ARPC4: variants seen among roughly 807,000 people sequenced by gnomAD.
The protein encoded by ARPC4 is actin related protein 2/3 complex subunit 4.
In ARPC4, 3 loss-of-function variants were observed where a neutral mutation model predicts 22.8. That is an observed-to-expected ratio of 0.13 (90% CI 0.06 to 0.34). The LOEUF (loss-of-function observed/expected upper bound fraction) is 0.34, where lower values mean the gene tolerates loss of function less well. Among genes scored for constraint, ARPC4 ranks in the 10% least tolerant of loss-of-function variants. The pLI, the probability that ARPC4 is intolerant of heterozygous loss-of-function variation, is 1.00. For missense variants in ARPC4, 98 were observed against 211.0 expected (o/e 0.46, Z 3.32); for synonymous variants, 80 against 72.5 (o/e 1.10, Z -0.52).
At chr3:9,793,039 T>G, upstream of ARPC4, 1 of 1,542,700 alleles carries the variant, frequency 6.5e-7, no homozygotes, top group African/African-American at 1.4e-5. Flanking sequence ...GCGGAGACCG[T>G]AGCTGCGCTT....
chr3:9,797,369 A>G (rs75924392), intron 1 of ARPC4, among the ~76,000 whole-genome samples: 5,935 of 152,284 alleles, frequency 0.039, 140 homozygotes, highest in Middle Eastern at 0.071. Context: ...AGTCATGACA[A>G]TTGAAAATGT....
rs756106046 is a variant in ARPC4 at position 9,800,174 on chromosome 3, T to C, written c.123-11T>C. The C allele has an allele frequency of 1.9e-6, 3 of 1,613,784 alleles. No homozygotes were observed. The South Asian group carries it at 3.3e-5, about 18-fold the overall frequency. ...CTGTAGTACAAGTACTCTGTCACAT[T>C]ATGTTTTCAGGAGTAGCAAAGAGCT... is the stretch of plus-strand genomic sequence containing the variant. On this transcript the variant is annotated splice_polypyrimidine_tract_variant and intron_variant, in intron 2 of 5. Coordinates refer to ENST00000397261, the MANE Select transcript of ARPC4 (RefSeq NM_005718.5).
chr3:9,793,352 C>T (rs1435045408), intron 1 of ARPC4, among the ~76,000 whole-genome samples: 1 of 152,214 alleles, frequency 6.6e-6, no homozygotes, highest in Non-Finnish European at 1.5e-5. Flanking sequence ...CACGGTCAGC[C>T]TTCGAAGCAG....
At chr3:9,793,039 T>TA, upstream of ARPC4, 1 of 1,542,700 alleles carries the variant, frequency 6.5e-7, no homozygotes, top group African/African-American at 1.4e-5. Flanking sequence ...GCGGAGACCG[T>TA]AGCTGCGCTT....
intron 3 of ARPC4, 27 bp downstream of exon 3, chr3:9,800,323 C>T (rs1296294921): frequency 3.7e-6 from 6 of 1,608,828 alleles, no homozygotes; most frequent in Admixed American, 1.7e-5. Flanking sequence ...GGAGGCCCAA[C>T]GTAAGGCCTC....
rs143742683 is a variant in ARPC4 at position 9,797,586 on chromosome 3, G to A, written c.4-73G>A. On this transcript the variant is annotated intron_variant, in intron 1 of 5. Coordinates refer to ENST00000397261, the MANE Select transcript of ARPC4 (RefSeq NM_005718.5). ...CTCAGTGCTACCTGGCTTCATGGGA[G>A]CTGGAATAGGGGATCGGTGGGTTTG... is the stretch of plus-strand genomic sequence containing the variant. The A allele has an allele frequency of 7.3e-5, 112 of 1,534,140 alleles. No homozygotes were observed. The African/African-American group carries it at 1.4e-3, about 19-fold the overall frequency.
At chr3:9,801,905 A>G in intron 4 of ARPC4, 149 bp downstream of exon 4, 1 of 881,176 alleles carries the variant, frequency 1.1e-6, no homozygotes, top group African/African-American at 1.7e-5. Context: ...AGCAAAGAGG[A>G]TTAGAAGCTT....
upstream of ARPC4, chr3:9,792,641 AGGCGGAGCTT>A (rs2078767171): frequency 1.6e-6 from 2 of 1,231,144 alleles, no homozygotes; most frequent in Admixed American, 8.5e-5. Flanking sequence ...CCGGGGCGGG[AGGCGGAGCTT>A]GGCGGCCGAG....
At chr3:9,800,008 C>G in intron 2 of ARPC4, 177 bp from the exon 3 acceptor site, 1 of 704,732 alleles carries the variant, frequency 1.4e-6, no homozygotes, top group Non-Finnish European at 2.5e-6. Context: ...GACTTCAGAG[C>G]CTGTGCTCTT....
At chr3:9,793,993 A>G (rs2078819866) in intron 1 of ARPC4, among the ~76,000 whole-genome samples, 2 of 151,966 alleles carry the variant, frequency 1.3e-5, no homozygotes, top group Non-Finnish European at 2.9e-5. Flanking sequence ...TCTATTCTAA[A>G]TTTGTTCTTC....
rs569907905 is a variant in ARPC4 at position 9,795,299 on chromosome 3, T to G, written c.3+2175T>G. Among the ~76,000 whole-genome samples the G allele has an allele frequency of 2.6e-5, 4 of 152,184 alleles. No homozygotes were observed. In the South Asian group the frequency reaches 8.3e-4, roughly 32 times the overall value. On this transcript the variant is annotated intron_variant, in intron 1 of 5. Coordinates refer to ENST00000397261, the MANE Select transcript of ARPC4 (RefSeq NM_005718.5). The stretch of plus-strand genomic sequence containing the variant: ...ACAGGCGTGAGCCCCTGGGAAGTTT[T>G]TTTTCAGTTCCATTATCCACTCCAT...
chr3:9,794,292 G>A (rs1026054694), intron 1 of ARPC4, among the ~76,000 whole-genome samples: 1 of 152,114 alleles, frequency 6.6e-6, no homozygotes, highest in Non-Finnish European at 1.5e-5. Context: ...GACGTCAGGA[G>A]ATCGAGACCA....
chr3:9,793,002 C>A, upstream of ARPC4: 1 of 1,510,016 alleles, frequency 6.6e-7, no homozygotes, highest in Non-Finnish European at 8.8e-7. Flanking sequence ...CCGCTCGGAG[C>A]ATAGATGGTA....
In ARPC4 at chr3:9,800,089, C is replaced by T. The variant is rs1575328214; in HGVS notation, c.123-96C>T. On this transcript the variant is annotated intron_variant, in intron 2 of 5. Transcript: ENST00000397261. ...GCTTGTGAGTCTTCTATTCCTTGGACTCTATGGTCTCATAGTGATTCCAGG... is the reference window on the plus strand; with the variant it reads ...GCTTGTGAGTCTTCTATTCCTTGGATTCTATGGTCTCATAGTGATTCCAGG... 8.1e-6 allele frequency: 10 copies of T among 1,230,428 alleles called. No individual in the cohort carries two copies. In the East Asian group the frequency reaches 2.5e-4, roughly 31 times the overall value. 76.2% of individuals were successfully genotyped at this position (1,230,428 alleles called of 1,614,324 possible).
chr3:9,795,040 C>G (rs1477247337), intron 1 of ARPC4, among the ~76,000 whole-genome samples: 2 of 152,120 alleles, frequency 1.3e-5, no homozygotes, highest in South Asian at 2.1e-4. Flanking sequence ...CAGTCTCGCT[C>G]TGTCACCCAG....
intron 1 of ARPC4, among the ~76,000 whole-genome samples, chr3:9,797,442 C>T (rs776931067): frequency 1.1e-4 from 17 of 152,156 alleles, no homozygotes; most frequent in Non-Finnish European, 1.6e-4. Context: ...CTCGACATTA[C>T]CAAATGTACC....
At chr3:9,794,595 A>G (rs934118244) in intron 1 of ARPC4, among the ~76,000 whole-genome samples, 1 of 152,170 alleles carries the variant, frequency 6.6e-6, no homozygotes, top group Non-Finnish European at 1.5e-5. Context: ...ACTTGAGCCC[A>G]GAAGTTCGAG....
Position 9,801,672 on chromosome 3 carries a change from C to T in ARPC4, c.246C>T (p.Ile82=), listed in dbSNP as rs771685685. ...VSIAVKQADE[I]EKILCHKFMR... ...CTTGCACTCCCCAGGCTGATGAGATCGAGAAGATTTTGTGCCACAAGTTCA... is the reference window on the plus strand; with the variant it reads ...CTTGCACTCCCCAGGCTGATGAGATTGAGAAGATTTTGTGCCACAAGTTCA... Residue 82 remains isoleucine, a synonymous_variant, in exon 4 of 6, where the codon ATC becomes ATT. Coordinates refer to ENST00000397261, the MANE Select transcript of ARPC4 (RefSeq NM_005718.5). The T allele has an allele frequency of 1.6e-5, 26 of 1,608,164 alleles. No homozygotes were observed. Among genetic ancestry groups the T allele is most frequent in the East Asian group, 6.7e-5 (3 of 44,826 alleles).
chr3:9,792,957 C>G, upstream of ARPC4: 1 of 1,410,704 alleles, frequency 7.1e-7, no homozygotes. Context: ...TGGAAAACTT[C>G]CGGAAGGCCC....
Sources: allele counts gnomAD v4.1 joint callset (sites outside exome capture counted in the v4.1 genomes callset), GRCh38; gene constraint gnomAD v4.1.1; transcripts MANE v1.5; gene names NCBI Gene and HGNC (gene_info 2026-07-23, HGNC 2026-07-21).